The following DALRD3 variants were observed in gnomAD, a reference collection of about 807,000 sequenced individuals.
The protein encoded by DALRD3 is DALR anticodon binding domain containing 3.
In DALRD3, 47 loss-of-function variants were observed where a neutral mutation model predicts 56.7. The observed-to-expected ratio is 0.83, with a 90% CI of 0.66 to 1.06. DALRD3 has a LOEUF of 1.06. Ranked by LOEUF, DALRD3 falls within the 50% of genes least tolerant of loss-of-function variation. The pLI is 0.00. For synonymous variants in DALRD3, 347 were observed against 308.5 expected (o/e 1.12, Z -1.31); for missense variants, 787 against 724.0 (o/e 1.09, Z -1.00).
Position 49,018,079 on chromosome 3 carries a change from G to C in DALRD3, c.405C>G (p.Ser135Arg). 6.7e-7 allele frequency: 1 copy of C among 1,490,678 alleles called. No homozygotes were observed. Among genetic ancestry groups the C allele is most frequent in the Non-Finnish European group, 8.9e-7 (1 of 1,129,768 alleles). The allele number at this position is 1,490,678 out of a possible 1,614,324, so 92.3% of individuals were successfully genotyped here. ...LRSSPCALRL[S>R]QLRTVLVADH... Reference sequence around the variant, plus strand: ...CGGCCACGAGCACCGTACGCAGCTGGCTCAAGCGGAGTGCGCAGGGGGAGC... The same window carrying C: ...CGGCCACGAGCACCGTACGCAGCTGCCTCAAGCGGAGTGCGCAGGGGGAGC... The change falls in exon 2 of 12, where the codon AGC becomes AGG. Residue 135 changes from serine (S) to arginine (R), a missense_variant. Transcript: ENST00000341949.
upstream of DALRD3, chr3:49,018,966 A>G (rs2093127419): frequency 3.0e-6 from 3 of 985,378 alleles, no homozygotes; most frequent in Non-Finnish European, 3.6e-6. Flanking sequence ...ATAAGGCAGT[A>G]TAACATTAAG....
upstream of DALRD3, chr3:49,020,626 G>A: frequency 2.1e-6 from 1 of 486,646 alleles, no homozygotes; most frequent in South Asian, 1.5e-5. Context: ...TCAGGCAGGA[G>A]AGCAGGGGAC....
intron 4 of DALRD3, 39 bp from the exon 5 acceptor site, chr3:49,017,395 C>T (rs758729573): frequency 3.1e-6 from 5 of 1,614,180 alleles, no homozygotes; most frequent in Non-Finnish European, 4.2e-6. Context: ...GTACAGTATA[C>T]TTGGTTTGGG....
chr3:49,016,254 G>A lies in DALRD3; in HGVS notation c.1233C>T (p.Ala411=). The A allele has an allele frequency of 6.2e-7, 1 of 1,614,158 alleles. No individual in the cohort carries two copies. The highest frequency in any genetic ancestry group is 8.5e-7 in the Non-Finnish European group (1 of 1,180,006). Residue 411 remains alanine (A), a synonymous_variant, in exon 9 of 12, where the codon GCC becomes GCT. Coordinates refer to ENST00000341949, the MANE Select transcript of DALRD3 (RefSeq NM_001009996.3). The part of the protein sequence containing the change: ...TFVMYNCARL[A]TLFESYKCSM... ...TACACTTGTAACTCTCAAAGAGTGT[G>A]GCAAGACGGGCACAATTATACATGA... is the stretch of plus-strand genomic sequence containing the variant.
Position 49,018,525 on chromosome 3 carries a change from C to A in DALRD3, c.40G>T (p.Ala14Ser), listed in dbSNP as rs776886347. The part of the protein sequence containing the change: ...RRLGVGETLG[A>S]LNAALGPGGP... The stretch of plus-strand genomic sequence containing the variant: ...CCTGGCCCCAGGGCCGCGTTGAGGG[C>A]CCCCAGCGTCTCCCCGACCCCAAGG... Residue 14 changes from alanine (A) to serine (S), a missense_variant, in exon 1 of 12, where the codon GCC becomes TCC. Ala to Ser is a moderately conservative substitution (Grantham distance 99). Coordinates refer to ENST00000341949, the MANE Select transcript of DALRD3 (RefSeq NM_001009996.3). 31 of 1,582,978 alleles carry A rather than the reference C, an allele frequency of 2.0e-5. No individual in the cohort carries two copies. Among genetic ancestry groups the A allele is most frequent in the Admixed American group, 3.5e-5 (2 of 56,486 alleles).
Position 49,018,116 on chromosome 3 carries a change from G to T in DALRD3, c.368C>A (p.Pro123Gln). ...SLGQRVLLHC[P>Q]ALRSSPCALR... is the part of the protein sequence containing the mutation. ...TGCGCAGGGGGAGCTGCGCAGTGCT[G>T]GGCAGTGTAGTAAGACGCGCTGGCC... The change falls in exon 2 of 12, where the codon CCA becomes CAA. Residue 123 changes from proline (P) to glutamine (Q), a missense_variant. By Grantham distance (76) the Pro-to-Gln change is moderately conservative. Transcript: ENST00000341949. 6.7e-7 allele frequency: 1 copy of T among 1,481,536 alleles called. No individual in the cohort carries two copies. The highest frequency in any genetic ancestry group is 8.9e-7 in the Non-Finnish European group (1 of 1,125,688). 91.8% of individuals were successfully genotyped at this position (1,481,536 alleles called of 1,614,324 possible). A position where few individuals can be genotyped will look rare whatever the true frequency, so the allele number is the denominator to read the frequency against.
At position 49,017,296 on chromosome 3, in the gene DALRD3, C is replaced by T. The variant is rs374828461; in HGVS notation, c.859G>A (p.Glu287Lys). Residue 287 changes from glutamate (E) to lysine (K), a missense_variant, in exon 5 of 12, where the codon GAG becomes AAG. Coordinates refer to ENST00000341949, the MANE Select transcript of DALRD3 (RefSeq NM_001009996.3). ...TCCAACTTCTGTTGCTGGAACTCCT[C>T]CTCACAGCTAACAACATGTACAACC... Reference protein sequence around the residue: ...CLVVHVVSCEEEFQQQKLDLL... With the variant: ...CLVVHVVSCEKEFQQQKLDLL... 7 of 1,614,098 alleles carry T rather than the reference C, an allele frequency of 4.3e-6. No individual in the cohort carries two copies. Among genetic ancestry groups the T allele is most frequent in the African/African-American group, 2.7e-5 (2 of 74,930 alleles).
rs1431267043 is a variant in DALRD3 at position 49,015,540 on chromosome 3, C to T, written c.*48G>A. On this transcript the variant is annotated 3_prime_UTR_variant, in exon 12 of 12. Transcript: ENST00000341949. ...TGGCCGTGGGTTTTTGCTTTTTTTC[C>T]AGTTGATGACTTTGTGAACATTCCC... The T allele has an allele frequency of 1.9e-6, 3 of 1,595,512 alleles. No homozygotes were observed. The highest frequency in any genetic ancestry group is 2.2e-5 in the East Asian group (1 of 44,670).
Position 49,015,875 on chromosome 3 carries a change from A to G in DALRD3, c.1444-3T>C, listed in dbSNP as rs200525644. The G allele has an allele frequency of 3.9e-4, 625 of 1,614,192 alleles. 1 individual carries two copies. In the Middle Eastern group the frequency reaches 5.8e-3, roughly 15 times the overall value. ...AGCTGTACCAGGAACTTGCATATCT[A>G]GAGACAGAGACTGAGTCACTGGCCC... On this transcript the variant is annotated splice_polypyrimidine_tract_variant and splice_region_variant and intron_variant, in intron 10 of 11. Transcript: ENST00000341949.
chr3:49,016,903 C>T (rs2093086078), intron 5 of DALRD3, 56 bp from the exon 6 acceptor site: 3 of 1,599,306 alleles, frequency 1.9e-6, no homozygotes, highest in African/African-American at 1.3e-5. Context: ...CAGGAAGTCC[C>T]TTGAGGAGCC....
At position 49,017,809 on chromosome 3, in the gene DALRD3, T is replaced by A; in HGVS notation, c.522A>T (p.Gln174His). Residue 174 changes from glutamine to histidine, a missense_variant, in exon 3 of 12, where the codon CAA becomes CAT. Coordinates refer to ENST00000341949, the MANE Select transcript of DALRD3 (RefSeq NM_001009996.3). The part of the protein sequence containing the change: ...RDPHMLTFLQ[Q>H]LRVDWPAASE... The stretch of plus-strand genomic sequence containing the variant: ...AGGCAGCGGGCCAGTCCACCCGCAG[T>A]TGCTGCAGGAAGGTCAGCATGTGCG... 1 of 1,612,574 alleles carries A rather than the reference T, an allele frequency of 6.2e-7. No individual in the cohort carries two copies. Among genetic ancestry groups the A allele is most frequent in the Non-Finnish European group, 8.5e-7 (1 of 1,179,976 alleles).
upstream of DALRD3, chr3:49,019,167 G>A (rs187891868): frequency 3.9e-4 from 121 of 308,780 alleles, 2 homozygotes; most frequent in Non-Finnish European, 2.8e-5. Flanking sequence ...TCCACCTCCC[G>A]GATTCACAGG....
chr3:49,016,244 C>A lies in DALRD3; in HGVS notation c.1243G>T (p.Glu415Ter). The A allele has an allele frequency of 6.2e-7, 1 of 1,614,154 alleles. No individual in the cohort carries two copies. Among genetic ancestry groups the A allele is most frequent in the Non-Finnish European group, 8.5e-7 (1 of 1,180,016 alleles). ...YNCARLATLF[E>*]SYKCSMEQGL... ...TGTTCCATACTACACTTGTAACTCT[C>A]AAAGAGTGTGGCAAGACGGGCACAA... Residue 415 changes from glutamate to a stop codon, truncating the protein, a stop_gained, in exon 9 of 12, where the codon GAG (glutamate) becomes TAG (stop). Transcript: ENST00000341949. LOFTEE classifies it high-confidence loss of function.
In DALRD3 at chr3:49,015,834, G is replaced by A; in HGVS notation, c.1482C>T (p.Ser494=). ...KFLVQLSMDF[S]SYYNRVHILG... is the part of the protein sequence containing the mutation. ...GGATGTGTACCCGGTTGTAGTAGGA[G>A]CTGAAATCCATGCTGAGCTGTACCA... Residue 494 remains serine, a synonymous_variant, in exon 11 of 12, where the codon AGC becomes AGT. Coordinates refer to ENST00000341949, the MANE Select transcript of DALRD3 (RefSeq NM_001009996.3). 5.0e-6 allele frequency: 8 copies of A among 1,614,196 alleles called. No homozygotes were observed. In the South Asian group the frequency reaches 7.7e-5, roughly 16 times the overall value.
chr3:49,018,212 C>T lies in DALRD3; in HGVS notation c.272G>A (p.Arg91Gln). The T allele has an allele frequency of 3.5e-6, 5 of 1,444,670 alleles. No homozygotes were observed. The highest frequency in any genetic ancestry group is 4.5e-6 in the Non-Finnish European group (5 of 1,109,282). 89.5% of individuals were successfully genotyped at this position (1,444,670 alleles called of 1,614,324 possible). The change falls in exon 2 of 12, where the codon CGG becomes CAG. Residue 91 changes from arginine (R) to glutamine (Q), a missense_variant. Transcript: ENST00000341949. The stretch of plus-strand genomic sequence containing the variant: ...GAGGACGCGCTCGAAGACGGCGGAC[C>T]GCTGCAGTTGGAGAGACAGACCCGC... ...TPAGLSLQLQ[R>Q]SAVFERVLSA... is the part of the protein sequence containing the mutation.
Position 49,016,764 on chromosome 3 carries a change from CCTCA to C in DALRD3, c.1001+6_1001+9del, listed in dbSNP as rs769922382. 107 of 1,614,082 alleles carry C rather than the reference CCTCA, an allele frequency of 6.6e-5. No homozygotes were observed. Among genetic ancestry groups the C allele is most frequent in the Non-Finnish European group, 8.0e-5 (94 of 1,180,036 alleles). On this transcript the variant is annotated splice_donor_region_variant and intron_variant, in intron 6 of 11. Transcript: ENST00000341949. ...TGGCTTAGGTTGGTGTTCCTCCCAG[CCTCA>C]CTCACTCGTAGTACTCAGGGGCAGT...
At chr3:49,017,895 G>A (rs1166166307) in intron 2 of DALRD3, 26 bp from the exon 3 acceptor site, 1 of 1,582,986 alleles carries the variant, frequency 6.3e-7, no homozygotes, top group Non-Finnish European at 8.5e-7. Flanking sequence ...GGCCGCCTCA[G>A]TCTGAGCACC....
Position 49,015,629 on chromosome 3 carries a change from C to T in DALRD3, c.1591G>A (p.Gly531Ser), listed in dbSNP as rs143367268. 1 of 1,613,978 alleles carries T rather than the reference C, an allele frequency of 6.2e-7. No individual in the cohort carries two copies. The highest frequency in any genetic ancestry group is 8.5e-7 in the Non-Finnish European group (1 of 1,180,038). ...GGAGGGAGACCCAGCATAGCCAGGC[C>T]AGTATGGAGCACCTCACGCACAGCT... is the stretch of plus-strand genomic sequence containing the variant. ...LRAVREVLHT[G>S]LAMLGLPPLS... The change falls in exon 12 of 12, where the codon GGC becomes AGC. Residue 531 changes from glycine to serine, a missense_variant. By Grantham distance (56) the Gly-to-Ser change is moderately conservative. Coordinates refer to ENST00000341949, the MANE Select transcript of DALRD3 (RefSeq NM_001009996.3).
At chr3:49,019,753 G>A (rs976452808), upstream of DALRD3, among the ~76,000 whole-genome samples, 1 of 152,328 alleles carries the variant, frequency 6.6e-6, no homozygotes, top group Non-Finnish European at 1.5e-5. Flanking sequence ...GGGATTACAG[G>A]CGTGAGCCAC....
Sources: gnomAD v4.1 joint callset for allele counts (sites outside exome capture counted in the v4.1 genomes callset) on GRCh38, gnomAD v4.1.1 for gene constraint, MANE v1.5 for transcripts, NCBI Gene and HGNC (gene_info 2026-07-23, HGNC 2026-07-21) for gene names.